The following EGFL6 variants were observed in gnomAD, a reference collection of about 807,000 sequenced individuals.
EGFL6 encodes EGF like domain multiple 6, also known as epidermal growth factor-like protein 6.
Under a neutral mutation model 43.1 loss-of-function variants are expected in EGFL6, and 42 were observed. That is an observed-to-expected ratio of 0.98 (90% CI 0.76 to 1.26). EGFL6 has a LOEUF of 1.26. Among genes scored for constraint, EGFL6 ranks in the 50% most tolerant of loss-of-function variants. The pLI is 0.00. For synonymous variants in EGFL6, 164 were observed against 163.2 expected (o/e 1.01, Z -0.04); for missense variants, 429 against 427.8 (o/e 1.00, Z -0.02).
At chrX:13,616,859 A>ATTTT (rs773399610) in intron 7 of EGFL6, among the ~76,000 whole-genome samples, 10 of 88,968 alleles carry the variant, frequency 1.1e-4, no homozygotes, top group African/African-American at 4.4e-4. Context: ...CTAGAGGTAC[A>ATTTT]TTTTTTTTTT....
At chrX:13,620,289 G>A (rs953705805) in intron 9 of EGFL6, among the ~76,000 whole-genome samples, 4 of 111,273 alleles carry the variant, frequency 3.6e-5, no homozygotes, top group Admixed American at 9.5e-5. Context: ...AAGTATGAAT[G>A]CCTTGATCAT....
intron 11 of EGFL6, among the ~76,000 whole-genome samples, chrX:13,632,325 AG>A (rs1358466501): frequency 1.2e-5 from 1 of 84,017 alleles, no homozygotes; most frequent in Non-Finnish European, 2.2e-5. Flanking sequence ...TTTTTGAGGC[AG>A]AGTCTCACTC....
intron 2 of EGFL6, among the ~76,000 whole-genome samples, chrX:13,592,745 T>C (rs972728334): frequency 1.7e-4 from 18 of 107,156 alleles, no homozygotes; most frequent in Admixed American, 1.0e-3. Context: ...GGGGAGGATA[T>C]GAACTACTGG....
At chrX:13,614,317 C>G (rs183766839) in intron 7 of EGFL6, among the ~76,000 whole-genome samples, 45 of 111,782 alleles carry the variant, frequency 4.0e-4, no homozygotes, top group African/African-American at 1.4e-3. Context: ...CTTGGCTCAT[C>G]TTTTGTTCTG....
At chrX:13,625,885 CAA>C (rs755901799) in intron 10 of EGFL6, among the ~76,000 whole-genome samples, 6 of 30,891 alleles carry the variant, frequency 1.9e-4, no homozygotes, top group Non-Finnish European at 2.5e-4. Flanking sequence ...GACCCTGCCT[CAA>C]AAAAAAAAAA....
chrX:13,632,955 G>A, intron 11 of EGFL6, 30 bp from the exon 12 acceptor site: 1 of 1,159,221 alleles, frequency 8.6e-7, no homozygotes, highest in Non-Finnish European at 1.2e-6. Context: ...ACAGTTTGGA[G>A]TAATTTTTTT....
chrX:13,596,132 C>T (rs1336601657), intron 3 of EGFL6: 1 of 111,798 alleles, frequency 8.9e-6, no homozygotes, highest in Admixed American at 9.5e-5. Flanking sequence ...ATTTTGTCTC[C>T]CAGGAAGCGT....
chrX:13,608,179 C>A, intron 6 of EGFL6, 145 bp from the exon 7 acceptor site: 1 of 695,465 alleles, frequency 1.4e-6, no homozygotes, highest in Non-Finnish European at 2.0e-6. Context: ...AATGAGCCTG[C>A]AGTTCTGAAC....
chrX:13,586,150 C>T (rs1160960714), intron 1 of EGFL6, among the ~76,000 whole-genome samples: 1 of 79,101 alleles, frequency 1.3e-5, no homozygotes, highest in African/African-American at 4.7e-5. Flanking sequence ...TCTATAAACA[C>T]ATGAAAGACA....
chrX:13,609,206 C>T (rs1396002208), intron 7 of EGFL6, among the ~76,000 whole-genome samples: 1 of 111,617 alleles, frequency 9.0e-6, no homozygotes, highest in Non-Finnish European at 1.9e-5. Flanking sequence ...TTTTATGGTA[C>T]CATGGTCTCA....
chrX:13,605,270 T>TA (rs750213278), intron 5 of EGFL6, among the ~76,000 whole-genome samples: 40 of 111,530 alleles, frequency 3.6e-4, no homozygotes, highest in African/African-American at 9.8e-4. Flanking sequence ...TCCATCTCTA[T>TA]AAAAAACTTT....
chrX:13,618,669 C>A (rs920989008), intron 8 of EGFL6, among the ~76,000 whole-genome samples: 1 of 111,320 alleles, frequency 9.0e-6, no homozygotes, highest in African/African-American at 3.3e-5. Flanking sequence ...ATTAACCCAC[C>A]CTGCATCTCT....
chrX:13,578,254 G>A (rs1265799820), intron 1 of EGFL6, among the ~76,000 whole-genome samples: 1 of 109,597 alleles, frequency 9.1e-6, no homozygotes, highest in African/African-American at 3.3e-5. Flanking sequence ...AGTTAGAATG[G>A]CAATCATTAA....
chrX:13,611,575 A>G (rs1389737899), intron 7 of EGFL6, among the ~76,000 whole-genome samples: 1 of 112,360 alleles, frequency 8.9e-6, no homozygotes, highest in African/African-American at 3.2e-5. Flanking sequence ...TGTTCAAATG[A>G]AGGCAACATC....
chrX:13,619,300 T>C, intron 9 of EGFL6, 57 bp downstream of exon 9: 1 of 1,022,218 alleles, frequency 9.8e-7, no homozygotes. Flanking sequence ...GTCGTTTTCA[T>C]TTCTTCATAC....
At chrX:13,623,438 G>A (rs185893866) in intron 9 of EGFL6, among the ~76,000 whole-genome samples, 2,760 of 80,740 alleles carry the variant, frequency 0.034, 73 homozygotes, top group Middle Eastern at 0.069. Context: ...GGAGTGCAAT[G>A]ATGTGATCTT....
chrX:13,614,111 A>G (rs73195787), intron 7 of EGFL6, among the ~76,000 whole-genome samples: 122 of 112,536 alleles, frequency 1.1e-3, no homozygotes, highest in Non-Finnish European at 2.0e-3. Flanking sequence ...AATTTTATAA[A>G]TGGAGAGACT....
At chrX:13,628,540 G>A (rs941845996) in intron 11 of EGFL6, among the ~76,000 whole-genome samples, 2 of 111,019 alleles carry the variant, frequency 1.8e-5, no homozygotes, top group Non-Finnish European at 3.8e-5. Context: ...TAGGCCAGAC[G>A]AGGTGACTCA....
At chrX:13,577,177 C>A (rs1442713527) in intron 1 of EGFL6, among the ~76,000 whole-genome samples, 1 of 107,838 alleles carries the variant, frequency 9.3e-6, no homozygotes, top group African/African-American at 3.4e-5. Context: ...AGGAAGGATA[C>A]AAGTCCAGGT....
Sources: gnomAD v4.1 joint callset for allele counts (sites outside exome capture counted in the v4.1 genomes callset) on GRCh38, gnomAD v4.1.1 for gene constraint, MANE v1.5 for transcripts, NCBI Gene and HGNC (gene_info 2026-07-23, HGNC 2026-07-21) for gene names.